Variants in PEAK1 observed in about 807,000 individuals in gnomAD.
PEAK1 encodes the protein inactive tyrosine-protein kinase PEAK1.
PEAK1 carries 54 observed loss-of-function variants against 124.7 expected under a neutral mutation model. The ratio of observed to expected loss-of-function variants is 0.43; its 90% CI spans 0.35 to 0.54. The LOEUF is 0.54. PEAK1 is among the 20% of genes least tolerant of loss of function. The pLI, the probability that PEAK1 is intolerant of heterozygous loss-of-function variation, is 0.01. For synonymous variants in PEAK1, 719 were observed against 760.0 expected (o/e 0.95, Z 0.89); for missense variants, 2,046 against 2,134.5 (o/e 0.96, Z 0.82).
intron 1 of PEAK1, chr15:77,381,388 T>C (rs1342168732): frequency 2.5e-6 from 2 of 814,962 alleles, no homozygotes; most frequent in Non-Finnish European, 3.0e-6. Context: ...GAATAGCCAC[T>C]GCACTTCAGT....
At chr15:77,241,634 T>C (rs543060723) in intron 6 of PEAK1, among the ~76,000 whole-genome samples, 12 of 152,072 alleles carry the variant, frequency 7.9e-5, no homozygotes, top group Admixed American at 5.2e-4. Flanking sequence ...GCAGGATACA[T>C]GGTCAACATA....
chr15:77,290,379 C>T (rs1288359541), intron 2 of PEAK1, among the ~76,000 whole-genome samples: 1 of 152,108 alleles, frequency 6.6e-6, no homozygotes, highest in Non-Finnish European at 1.5e-5. Context: ...CTTGGCCTCC[C>T]AAAGTGTGGG....
At chr15:77,344,380 C>T (rs1367239423) in intron 2 of PEAK1, among the ~76,000 whole-genome samples, 2 of 152,226 alleles carry the variant, frequency 1.3e-5, no homozygotes, top group Non-Finnish European at 2.9e-5. Context: ...AGGCGTGAGC[C>T]ACCACGCCTG....
intron 5 of PEAK1, among the ~76,000 whole-genome samples, chr15:77,282,506 T>A (rs1327227870): frequency 6.6e-6 from 1 of 152,088 alleles, no homozygotes; most frequent in Non-Finnish European, 1.5e-5. Context: ...GCCATCCACG[T>A]GTACAAAGGG....
chr15:77,329,648 T>C (rs2065783031), intron 2 of PEAK1, among the ~76,000 whole-genome samples: 1 of 152,210 alleles, frequency 6.6e-6, no homozygotes, highest in African/African-American at 2.4e-5. Context: ...ATCAATGATA[T>C]ACCTCTCATT....
intron 1 of PEAK1, chr15:77,371,122 T>C: frequency 1.1e-5 from 11 of 957,908 alleles, no homozygotes; most frequent in Non-Finnish European, 1.4e-5. Context: ...AATTATGTTA[T>C]TTTCATATCA....
At chr15:77,166,568 G>C (rs1051276977) in intron 7 of PEAK1, among the ~76,000 whole-genome samples, 1 of 152,216 alleles carries the variant, frequency 6.6e-6, no homozygotes, top group Admixed American at 6.5e-5. Context: ...TGTGCCCCGG[G>C]GGGGAATCCC....
At chr15:77,135,947 G>A (rs953333138) in intron 8 of PEAK1, among the ~76,000 whole-genome samples, 2 of 152,206 alleles carry the variant, frequency 1.3e-5, no homozygotes, top group Non-Finnish European at 2.9e-5. Flanking sequence ...AGAGTGGGGT[G>A]TTGCTGAAAA....
intron 6 of PEAK1, among the ~76,000 whole-genome samples, chr15:77,197,767 T>C (rs2058178014): frequency 6.6e-6 from 1 of 152,302 alleles, no homozygotes; most frequent in East Asian, 1.9e-4. Flanking sequence ...ATAATCTAAG[T>C]AGACCACGAC....
chr15:77,147,813 T>C (rs1173643404), intron 8 of PEAK1, among the ~76,000 whole-genome samples: 2 of 152,186 alleles, frequency 1.3e-5, no homozygotes, highest in Non-Finnish European at 2.9e-5. Flanking sequence ...GAAGACAATA[T>C]AAATCCCCCA....
chr15:77,225,377 T>C (rs891632880), intron 6 of PEAK1, among the ~76,000 whole-genome samples: 1 of 151,972 alleles, frequency 6.6e-6, no homozygotes, highest in Admixed American at 6.6e-5. Flanking sequence ...ACAAAACCTA[T>C]ATATAGCAGA....
intron 7 of PEAK1, among the ~76,000 whole-genome samples, chr15:77,176,017 A>G (rs1252922412): frequency 6.6e-6 from 1 of 151,276 alleles, no homozygotes; most frequent in African/African-American, 2.4e-5. Context: ...AAAACCAAAC[A>G]CTGCATGTTC....
intron 1 of PEAK1, among the ~76,000 whole-genome samples, chr15:77,413,500 C>A (rs1018410507): frequency 8.5e-5 from 13 of 152,226 alleles, no homozygotes; most frequent in Non-Finnish European, 1.8e-4. Context: ...TCCATAACCC[C>A]AATCTAATCA....
chr15:77,400,568 A>G (rs2071286672), intron 1 of PEAK1, among the ~76,000 whole-genome samples: 1 of 152,182 alleles, frequency 6.6e-6, no homozygotes, highest in Non-Finnish European at 1.5e-5. Flanking sequence ...GAGAAGGACA[A>G]ACTTTGCATG....
intron 2 of PEAK1, among the ~76,000 whole-genome samples, chr15:77,360,532 T>C (rs1056718800): frequency 3.3e-5 from 5 of 152,160 alleles, no homozygotes; most frequent in African/African-American, 7.2e-5. Context: ...AGGTTTGAAC[T>C]GTGTAGGTCC....
At chr15:77,344,579 C>T (rs1343030770) in intron 2 of PEAK1, among the ~76,000 whole-genome samples, 1 of 152,156 alleles carries the variant, frequency 6.6e-6, no homozygotes, top group Non-Finnish European at 1.5e-5. Flanking sequence ...TTTTAGGATA[C>T]ATTTTCTATT....
chr15:77,243,544 A>C (rs1176274152), intron 6 of PEAK1, among the ~76,000 whole-genome samples: 1 of 152,240 alleles, frequency 6.6e-6, no homozygotes, highest in East Asian at 1.9e-4. Flanking sequence ...TTATGGAAAA[A>C]CAATTTCCAC....
intron 6 of PEAK1, among the ~76,000 whole-genome samples, chr15:77,242,598 G>T (rs1211519943): frequency 2.0e-5 from 3 of 152,014 alleles, no homozygotes; most frequent in Non-Finnish European, 4.4e-5. Context: ...AGTTAAGAGG[G>T]TATCACTTTT....
chr15:77,353,041 T>G, intron 2 of PEAK1: 1 of 981,166 alleles, frequency 1.0e-6, no homozygotes, highest in Non-Finnish European at 1.2e-6. Context: ...AAGAAAACCA[T>G]GAACCCTCTG....
Sources: allele counts gnomAD v4.1 joint callset (sites outside exome capture counted in the v4.1 genomes callset), GRCh38; gene constraint gnomAD v4.1.1; transcripts MANE v1.5; gene names NCBI Gene and HGNC (gene_info 2026-07-23, HGNC 2026-07-21).